Variants in FBXO33 observed in about 807,000 individuals in gnomAD.
The protein encoded by FBXO33 is F-box protein 33, also known as F-box only protein 33.
FBXO33 carries 22 observed loss-of-function variants against 46.3 expected under a neutral mutation model. The ratio of observed to expected loss-of-function variants is 0.48; its 90% CI spans 0.34 to 0.68. The LOEUF (loss-of-function observed/expected upper bound fraction) is 0.68, where lower values mean the gene tolerates loss of function less well. FBXO33 is among the 30% of genes least tolerant of loss of function. FBXO33 has a pLI of 0.01. For missense variants in FBXO33, 692 were observed against 708.8 expected (o/e 0.98, Z 0.27); for synonymous variants, 337 against 291.3 (o/e 1.16, Z -1.60).
chr14:39,423,716 G>C (rs906202947), intron 1 of FBXO33, among the ~76,000 whole-genome samples: 6 of 152,332 alleles, frequency 3.9e-5, no homozygotes, highest in Admixed American at 6.5e-5. Context: ...ACAGTGTTAA[G>C]TCAGGATAAT....
At position 39,401,614 on chromosome 14, in the gene FBXO33, C is replaced by G. The variant is rs1446644024; in HGVS notation, c.958G>C (p.Ala320Pro). Reference protein sequence around the residue: ...SLALDFCDFTAEMARVLTDSN... With the variant: ...SLALDFCDFTPEMARVLTDSN... ...TCAGTTAAGACTCTTGCCATCTCAG[C>G]TGTAAAGTCACAAAAATCCAAGGCA... Residue 320 changes from alanine (A) to proline (P), a missense_variant, in exon 3 of 4, where the codon GCT (alanine) becomes CCT (proline). Coordinates refer to ENST00000298097, the MANE Select transcript of FBXO33 (RefSeq NM_203301.4). 6.2e-7 allele frequency: 1 copy of G among 1,614,162 alleles called. No individual in the cohort carries two copies. Among genetic ancestry groups the G allele is most frequent in the African/African-American group, 1.3e-5 (1 of 75,046 alleles).
At chr14:39,421,809 CACACACACAA>C (rs140422140) in intron 1 of FBXO33, among the ~76,000 whole-genome samples, 1 of 128,402 alleles carries the variant, frequency 7.8e-6, no homozygotes, top group Non-Finnish European at 1.7e-5. Flanking sequence ...CACACACACA[CACACACACAA>C]ACACACGCAC....
At chr14:39,411,632 C>G (rs1209666606) in intron 1 of FBXO33, among the ~76,000 whole-genome samples, 7 of 151,524 alleles carry the variant, frequency 4.6e-5, no homozygotes, top group South Asian at 4.2e-4. Context: ...AAGCGATTCT[C>G]CTGCCTCAGC....
At chr14:39,402,537 T>C (rs1204052001) in intron 1 of FBXO33, 26 bp from the exon 2 acceptor site, 1 of 1,223,886 alleles carries the variant, frequency 8.2e-7, no homozygotes, top group South Asian at 1.9e-5. Context: ...TTTAAAATGA[T>C]TTGCTAAATA....
intron 1 of FBXO33, among the ~76,000 whole-genome samples, chr14:39,409,632 T>C (rs1194097073): frequency 6.6e-6 from 1 of 152,262 alleles, no homozygotes; most frequent in African/African-American, 2.4e-5. Context: ...GAGATTTTAA[T>C]AGAGATTGCA....
At chr14:39,413,014 A>G (rs2075431006) in intron 1 of FBXO33, among the ~76,000 whole-genome samples, 1 of 152,238 alleles carries the variant, frequency 6.6e-6, no homozygotes, top group Admixed American at 6.5e-5. Context: ...GTGACTGGCA[A>G]TTTCTTAAAA....
chr14:39,402,167 G>A (rs571112114), intron 2 of FBXO33, among the ~76,000 whole-genome samples: 1 of 152,288 alleles, frequency 6.6e-6, no homozygotes, highest in African/African-American at 2.4e-5. Flanking sequence ...GCAAAGGCAA[G>A]TAGAGGAATA....
At chr14:39,410,813 T>C (rs2075418668) in intron 1 of FBXO33, among the ~76,000 whole-genome samples, 2 of 152,326 alleles carry the variant, frequency 1.3e-5, no homozygotes, top group African/African-American at 4.8e-5. Flanking sequence ...TTGTTGGAAA[T>C]GAAGGCTCAC....
In FBXO33 at chr14:39,401,268, G is replaced by GA; in HGVS notation, c.1303dup (p.Ser435PhefsTer7). 6.2e-7 allele frequency: 1 copy of GA among 1,614,018 alleles called. No individual in the cohort carries two copies. Among genetic ancestry groups the GA allele is most frequent in the Non-Finnish European group, 8.5e-7 (1 of 1,180,010 alleles). On this transcript the variant is annotated frameshift_variant, in exon 3 of 4. Coordinates refer to ENST00000298097, the MANE Select transcript of FBXO33 (RefSeq NM_203301.4). LOFTEE classifies it high-confidence loss of function. ...GTTGTCACTAAGATCTGGAAAACCA[G>GA]ATGTGTCAATCACATCATTCATTAA... is the stretch of plus-strand genomic sequence containing the variant.
chr14:39,400,799 GGTA>G (rs1174289730), intron 3 of FBXO33, among the ~76,000 whole-genome samples: 2 of 152,148 alleles, frequency 1.3e-5, no homozygotes, highest in African/African-American at 4.8e-5. Context: ...TAAAAGATGA[GGTA>G]GTGAGCATGA....
intron 3 of FBXO33, 61 bp from the exon 4 acceptor site, chr14:39,399,848 G>A: frequency 6.9e-7 from 1 of 1,451,242 alleles, no homozygotes; most frequent in Non-Finnish European, 9.2e-7. Flanking sequence ...TCTTTGGTAA[G>A]TCTGTCTTTT....
chr14:39,429,395 T>TA (rs894654928), intron 1 of FBXO33, among the ~76,000 whole-genome samples: 3 of 152,230 alleles, frequency 2.0e-5, no homozygotes, highest in African/African-American at 7.2e-5. Flanking sequence ...GTCCCAAGTC[T>TA]ATAGTTTAAG....
intron 1 of FBXO33, among the ~76,000 whole-genome samples, chr14:39,406,310 T>C (rs1464102408): frequency 6.6e-6 from 1 of 152,210 alleles, no homozygotes; most frequent in Non-Finnish European, 1.5e-5. Flanking sequence ...ACAGTCTCAG[T>C]ATTTTTCTCC....
chr14:39,431,329 G>A (rs1380528537), intron 1 of FBXO33, among the ~76,000 whole-genome samples: 1 of 152,094 alleles, frequency 6.6e-6, no homozygotes, highest in African/African-American at 2.4e-5. Flanking sequence ...CCTGGAAGGC[G>A]CCAGAAGTGG....
chr14:39,403,143 C>A (rs943361687), intron 1 of FBXO33, among the ~76,000 whole-genome samples: 32 of 152,148 alleles, frequency 2.1e-4, no homozygotes, highest in Admixed American at 2.1e-3. Context: ...ATAAACATGT[C>A]TCAAACCAGT....
At position 39,421,779 on chromosome 14, in the gene FBXO33, A is replaced by ACACACAC. The variant is rs1567077919; in HGVS notation, c.599+9784_599+9785insGTGTGTG. Among the ~76,000 whole-genome samples the ACACACAC allele has an allele frequency of 2.4e-4, 16 of 65,438 alleles. No homozygotes were observed. In the East Asian group the frequency reaches 6.5e-3, roughly 27 times the overall value. The allele number at this position is 65,438 out of a possible 152,430, so 42.9% of individuals were successfully genotyped here. A position where few individuals can be genotyped will look rare whatever the true frequency, so the allele number is the denominator to read the frequency against. On this transcript the variant is annotated intron_variant, in intron 1 of 3. Coordinates refer to ENST00000298097, the MANE Select transcript of FBXO33 (RefSeq NM_203301.4). ...CCAAACCCTAGCTATTTGAGTACAA[A>ACACACAC]TCACACACACACACACACACACACA...
chr14:39,432,307 C>G lies in FBXO33; in HGVS notation c.-145G>C, dbSNP rs1280371255. On this transcript the variant is annotated 5_prime_UTR_variant, in exon 1 of 4. Coordinates refer to ENST00000298097, the MANE Select transcript of FBXO33 (RefSeq NM_203301.4). ...CTTCTCAAACTCTACTCACGTGCGT[C>G]CGAGGCCGGCACACTGAGTAACTGC... 3 of 598,964 alleles carry G rather than the reference C, an allele frequency of 5.0e-6. No individual in the cohort carries two copies. Among genetic ancestry groups the G allele is most frequent in the Non-Finnish European group, 7.0e-6 (3 of 428,614 alleles). The allele number at this position is 598,964 out of a possible 1,614,324, so 37.1% of individuals were successfully genotyped here. A position where few individuals can be genotyped will look rare whatever the true frequency, so the allele number is the denominator to read the frequency against.
intron 1 of FBXO33, among the ~76,000 whole-genome samples, chr14:39,425,180 T>C (rs1363059544): frequency 1.3e-5 from 2 of 152,254 alleles, no homozygotes; most frequent in East Asian, 3.8e-4. Flanking sequence ...CAGACTCCTG[T>C]TAGGACTGTT....
chr14:39,422,370 A>G (rs2075489432), intron 1 of FBXO33, among the ~76,000 whole-genome samples: 2 of 152,172 alleles, frequency 1.3e-5, no homozygotes, highest in African/African-American at 4.8e-5. Flanking sequence ...TACTGCAACA[A>G]TCTCCTAACT....
Sources: allele counts gnomAD v4.1 joint callset (sites outside exome capture counted in the v4.1 genomes callset), GRCh38; gene constraint gnomAD v4.1.1; transcripts MANE v1.5; gene names NCBI Gene and HGNC (gene_info 2026-07-23, HGNC 2026-07-21).